PRKX: variants seen among roughly 807,000 people sequenced by gnomAD.
PRKX encodes the protein cAMP-dependent protein kinase catalytic subunit PRKX.
In PRKX, 12 loss-of-function variants were observed where a neutral mutation model predicts 22.0. That is an observed-to-expected ratio of 0.54 (90% CI 0.35 to 0.88). The LOEUF (loss-of-function observed/expected upper bound fraction) is 0.88, where lower values mean the gene tolerates loss of function less well. Among genes scored for constraint, PRKX ranks in the 40% least tolerant of loss-of-function variants. The probability of loss-of-function intolerance (pLI) is 0.01; values close to 1 mark genes in which losing one functional copy is unlikely to be tolerated. For synonymous variants in PRKX, 134 were observed against 137.7 expected (o/e 0.97, Z 0.19); for missense variants, 217 against 308.0 (o/e 0.70, Z 2.21).
chrX:3,653,654 T>C (rs1163251908), intron 3 of PRKX, among the ~76,000 whole-genome samples: 3 of 72,402 alleles, frequency 4.1e-5, no homozygotes, highest in East Asian at 5.0e-4. Flanking sequence ...ATATATTATA[T>C]ATAATATACT....
chrX:3,613,222 A>G (rs375830740), intron 7 of PRKX, among the ~76,000 whole-genome samples: 15 of 107,020 alleles, frequency 1.4e-4, no homozygotes, highest in East Asian at 1.2e-3. Flanking sequence ...ACAGGTCTCC[A>G]GATTATATAG....
chrX:3,696,586 G>C (rs12388834), intron 1 of PRKX, among the ~76,000 whole-genome samples: 46,641 of 110,857 alleles, frequency 0.42, 7,799 homozygotes, highest in African/African-American at 0.6. Context: ...TACTCGAAGC[G>C]CGGGTTCCAC....
At chrX:3,613,068 T>C (rs1926331492) in intron 7 of PRKX, among the ~76,000 whole-genome samples, 1 of 97,113 alleles carries the variant, frequency 1.0e-5, no homozygotes, top group African/African-American at 3.8e-5. Context: ...GGAGAATCGC[T>C]TGAACCTGGG....
intron 2 of PRKX, among the ~76,000 whole-genome samples, chrX:3,672,295 A>G (rs1033296315): frequency 8.9e-6 from 1 of 112,074 alleles, no homozygotes; most frequent in Non-Finnish European, 1.9e-5. Context: ...GCTTTATATA[A>G]GACTTAAGAA....
intron 4 of PRKX, among the ~76,000 whole-genome samples, chrX:3,630,943 G>A (rs1346740243): frequency 8.9e-6 from 1 of 112,057 alleles, no homozygotes; most frequent in Non-Finnish European, 1.9e-5. Flanking sequence ...CGTGGCACAA[G>A]TTGTACTTCT....
In PRKX at chrX:3,615,105, G is replaced by A. The variant is rs144112482; in HGVS notation, c.951+710C>T. The stretch of plus-strand genomic sequence containing the variant: ...ATAATCTTGGCTCACTGCAACCTCC[G>A]CCTCCTGGTATCAAGCAATTCTTGT... On this transcript the variant is annotated intron_variant, in intron 7 of 8. Coordinates refer to ENST00000262848, the MANE Select transcript of PRKX (RefSeq NM_005044.5). 8.1e-3 allele frequency among the ~76,000 whole-genome samples: 740 copies of A among 91,109 alleles called. 8 individuals are homozygous for A. Among genetic ancestry groups the A allele is most frequent in the African/African-American group, 0.031 (712 of 22,633 alleles). The allele number at this position is 91,109 out of a possible 115,157, so 79.1% of individuals were successfully genotyped here.
Position 3,626,410 on chromosome X carries a change from T to A in PRKX, c.815+9A>T. The stretch of plus-strand genomic sequence containing the variant: ...ACACACCTCATGATGAGGCAAACGG[T>A]TTACTTACTTTACATGGAAATCCAA... On this transcript the variant is annotated intron_variant, in intron 5 of 8. Transcript: ENST00000262848. 1 of 1,188,588 alleles carries A rather than the reference T, an allele frequency of 8.4e-7. No homozygotes were observed. The highest frequency in any genetic ancestry group is 1.1e-6 in the Non-Finnish European group (1 of 875,149).
At chrX:3,643,828 T>G (rs1462963432) in intron 3 of PRKX, among the ~76,000 whole-genome samples, 1 of 111,221 alleles carries the variant, frequency 9.0e-6, no homozygotes, top group Non-Finnish European at 1.9e-5. Flanking sequence ...GTATCAAGCA[T>G]GTGCAAAGCC....
intron 3 of PRKX, among the ~76,000 whole-genome samples, chrX:3,645,278 G>A (rs1022921994): frequency 9.0e-5 from 10 of 110,817 alleles, no homozygotes; most frequent in African/African-American, 3.0e-4. Flanking sequence ...GGGGAGGGGA[G>A]GGAGGAGGCC....
intron 1 of PRKX, among the ~76,000 whole-genome samples, chrX:3,701,333 T>C (rs1928567027): frequency 8.9e-6 from 1 of 111,973 alleles, no homozygotes; most frequent in Non-Finnish European, 1.9e-5. Flanking sequence ...CTAGAACTGC[T>C]AGCCTCAAAT....
intron 3 of PRKX, 134 bp downstream of exon 3, chrX:3,655,015 T>G: frequency 1.1e-6 from 1 of 919,158 alleles, no homozygotes; most frequent in South Asian, 2.4e-5. Context: ...CTCTCATCCC[T>G]GGTTGCAAGT....
intron 4 of PRKX, among the ~76,000 whole-genome samples, chrX:3,636,826 A>G (rs1926896552): frequency 1.8e-5 from 2 of 111,188 alleles, no homozygotes; most frequent in Admixed American, 9.7e-5. Flanking sequence ...GCGCCACTGC[A>G]GTCCAGCCTG....
chrX:3,631,819 G>T (rs1324474212), intron 4 of PRKX, among the ~76,000 whole-genome samples: 1 of 112,776 alleles, frequency 8.9e-6, no homozygotes, highest in African/African-American at 3.2e-5. Flanking sequence ...AGGCAGAAAG[G>T]ATCCTTCCCT....
chrX:3,642,187 T>C (rs778094742), intron 3 of PRKX, among the ~76,000 whole-genome samples: 32 of 111,487 alleles, frequency 2.9e-4, no homozygotes, highest in African/African-American at 1.0e-3. Flanking sequence ...AGCTAAGAAT[T>C]GGTTTTATCA....
At chrX:3,656,582 T>A (rs1241905638) in intron 2 of PRKX, among the ~76,000 whole-genome samples, 1 of 111,360 alleles carries the variant, frequency 9.0e-6, no homozygotes, top group Non-Finnish European at 1.9e-5. Flanking sequence ...GATGTTAGGA[T>A]ATGCGTGTGT....
At chrX:3,677,750 G>A (rs1603474473) in intron 1 of PRKX, among the ~76,000 whole-genome samples, 1 of 111,649 alleles carries the variant, frequency 9.0e-6, no homozygotes, top group African/African-American at 3.3e-5. Flanking sequence ...GGGAGGAGGA[G>A]AAGTAACCTT....
At position 3,606,696 on chromosome X, in the gene PRKX, TAC is replaced by T. The variant is rs58430369; in HGVS notation, c.*2271_*2272del. The T allele has an allele frequency of 0.47, 52,101 of 110,625 alleles. 9,354 individuals carry two copies. The highest frequency in any genetic ancestry group is 0.62 in the African/African-American group (18,846 of 30,319). The allele number at this position is 110,625 out of a possible 1,213,427, so 9.1% of individuals were successfully genotyped here. On this transcript the variant is annotated 3_prime_UTR_variant, in exon 9 of 9. Coordinates refer to ENST00000262848, the MANE Select transcript of PRKX (RefSeq NM_005044.5). ...GGCCAGGTAAACTATTTTAAAATTATACAGTGATTGCTCCATGTTTATAGCTC... is the reference window on the plus strand; with the variant it reads ...GGCCAGGTAAACTATTTTAAAATTATAGTGATTGCTCCATGTTTATAGCTC...
At chrX:3,658,083 TG>T (rs1927517592) in intron 2 of PRKX, among the ~76,000 whole-genome samples, 1 of 109,933 alleles carries the variant, frequency 9.1e-6, no homozygotes, top group Non-Finnish European at 1.9e-5. Flanking sequence ...CTCCGCCTCC[TG>T]GGTGCAAGCG....
At chrX:3,698,329 ATTTTTCTC>A (rs1426714697) in intron 1 of PRKX, among the ~76,000 whole-genome samples, 1 of 110,228 alleles carries the variant, frequency 9.1e-6, no homozygotes, top group Non-Finnish European at 1.9e-5. Context: ...GAAAGAAGCA[ATTTTTCTC>A]TTTTTCTCTT....
Sources: allele counts gnomAD v4.1 joint callset (sites outside exome capture counted in the v4.1 genomes callset), GRCh38; gene constraint gnomAD v4.1.1; transcripts MANE v1.5; gene names NCBI Gene and HGNC (gene_info 2026-07-23, HGNC 2026-07-21).